PRKG1: variants seen among roughly 807,000 people sequenced by gnomAD.
PRKG1 encodes the protein protein kinase cGMP-dependent 1.
A neutral mutation model predicts 88.1 loss-of-function variants in PRKG1; 35 were observed. The ratio of observed to expected loss-of-function variants is 0.40; its 90% CI spans 0.30 to 0.53. The LOEUF (loss-of-function observed/expected upper bound fraction) is 0.53, where lower values mean the gene tolerates loss of function less well. PRKG1 is among the 20% of genes least tolerant of loss of function. PRKG1 has a pLI of 0.59. For missense variants in PRKG1, 540 were observed against 839.8 expected, an observed-to-expected ratio of 0.64 and a Z score of 4.41; for synonymous variants, 303 against 292.5, an observed-to-expected ratio of 1.04 and a Z score of -0.37.
chr10:51,761,937 G>T (rs1696889948), intron 3 of PRKG1, among the ~76,000 whole-genome samples: 1 of 152,108 alleles, frequency 6.6e-6, no homozygotes, highest in Non-Finnish European at 1.5e-5. Flanking sequence ...ATAAGCAAGA[G>T]AATTTTCACT....
chr10:51,178,705 C>A (rs1837267009), intron 2 of PRKG1, among the ~76,000 whole-genome samples: 1 of 151,994 alleles, frequency 6.6e-6, no homozygotes, highest in South Asian at 2.1e-4. Flanking sequence ...CATGTTTATA[C>A]TGTGGTGGAA....
chr10:51,103,543 T>C (rs1487760725), intron 1 of PRKG1, among the ~76,000 whole-genome samples: 1 of 152,202 alleles, frequency 6.6e-6, no homozygotes, highest in Non-Finnish European at 1.5e-5. Flanking sequence ...TTCTGATAGT[T>C]TAGCTCTCAA....
At chr10:52,045,774 C>T (rs887735649) in intron 5 of PRKG1, among the ~76,000 whole-genome samples, 1 of 152,020 alleles carries the variant, frequency 6.6e-6, no homozygotes, top group Non-Finnish European at 1.5e-5. Flanking sequence ...TTTCTAGGTG[C>T]TCTGAGTCAG....
At chr10:51,531,194 G>A (rs1171732522) in intron 3 of PRKG1, among the ~76,000 whole-genome samples, 1 of 152,082 alleles carries the variant, frequency 6.6e-6, no homozygotes, top group Non-Finnish European at 1.5e-5. Context: ...TCCTATTATA[G>A]CCCTCAATGG....
chr10:52,189,242 T>C (rs1839299788), intron 9 of PRKG1, among the ~76,000 whole-genome samples: 2 of 152,214 alleles, frequency 1.3e-5, no homozygotes, highest in African/African-American at 4.8e-5. Context: ...GTGTTGCTGA[T>C]AAAATTGTGA....
chr10:51,888,690 C>A (rs1739950239), intron 4 of PRKG1, among the ~76,000 whole-genome samples: 1 of 152,180 alleles, frequency 6.6e-6, no homozygotes, highest in South Asian at 2.1e-4. Flanking sequence ...CCCACTGCAG[C>A]TCTAGCTGTG....
intron 3 of PRKG1, among the ~76,000 whole-genome samples, chr10:51,618,063 T>C (rs889671465): frequency 6.6e-6 from 1 of 152,194 alleles, no homozygotes. Context: ...AGAAGGTCTT[T>C]TTCATTGTGT....
At chr10:51,628,820 G>A (rs932436342) in intron 3 of PRKG1, among the ~76,000 whole-genome samples, 3 of 151,736 alleles carry the variant, frequency 2.0e-5, no homozygotes, top group African/African-American at 4.8e-5. Flanking sequence ...TTAGCCGGGC[G>A]CGGTGGCGGG....
At chr10:52,000,266 T>G (rs1202676099) in intron 5 of PRKG1, among the ~76,000 whole-genome samples, 1 of 152,094 alleles carries the variant, frequency 6.6e-6, no homozygotes, top group Non-Finnish European at 1.5e-5. Flanking sequence ...GAAACTGCAT[T>G]ATTGTTTTTC....
intron 3 of PRKG1, among the ~76,000 whole-genome samples, chr10:51,606,189 G>A (rs1187649781): frequency 1.3e-5 from 2 of 152,050 alleles, no homozygotes; most frequent in African/African-American, 4.8e-5. Flanking sequence ...TCTCACATCT[G>A]TTCCTTTCTT....
intron 2 of PRKG1, among the ~76,000 whole-genome samples, chr10:51,461,582 C>T (rs1839746524): frequency 6.6e-6 from 1 of 152,096 alleles, no homozygotes; most frequent in Non-Finnish European, 1.5e-5. Flanking sequence ...GAAGAGTTAA[C>T]ACATCATCTA....
intron 3 of PRKG1, among the ~76,000 whole-genome samples, chr10:51,472,359 T>C (rs1840069333): frequency 6.6e-6 from 1 of 151,960 alleles, no homozygotes; most frequent in South Asian, 2.1e-4. Context: ...AAAACCTAAA[T>C]GATGAATGAG....
intron 5 of PRKG1, among the ~76,000 whole-genome samples, chr10:52,025,016 G>A (rs1015635306): frequency 6.6e-6 from 1 of 152,020 alleles, no homozygotes; most frequent in Non-Finnish European, 1.5e-5. Context: ...TTTAATGATC[G>A]CCATTCTAAC....
chr10:52,062,431 A>G (rs1846258333), intron 6 of PRKG1, 106 bp from the exon 7 acceptor site: 3 of 665,222 alleles, frequency 4.5e-6, no homozygotes. Flanking sequence ...TTTTCTTTAT[A>G]AAAATAAGAA....
At chr10:51,980,944 TGTTATACCTTTTAATTAGGACATTTA>T (rs1291342812) in intron 5 of PRKG1, among the ~76,000 whole-genome samples, 2 of 152,154 alleles carry the variant, frequency 1.3e-5, no homozygotes, top group Non-Finnish European at 2.9e-5. Context: ...CAGCCTGCCA[TGTTATACCTTTTAATTAGGACATTTA>T]GCCTGTTTAC....
chr10:51,341,570 G>A (rs561761102), intron 2 of PRKG1, among the ~76,000 whole-genome samples: 7 of 152,282 alleles, frequency 4.6e-5, no homozygotes, highest in Admixed American at 2.0e-4. Context: ...ACAGTGTAAA[G>A]TGTGTCTCCA....
chr10:51,826,704 G>T (rs1169678547), intron 4 of PRKG1, among the ~76,000 whole-genome samples: 1 of 152,166 alleles, frequency 6.6e-6, no homozygotes, highest in African/African-American at 2.4e-5. Flanking sequence ...GGAACCATGA[G>T]AGCCAGAGTT....
At chr10:51,568,929 A>T (rs1837677978) in intron 3 of PRKG1, 1 of 152,074 alleles carries the variant, frequency 6.6e-6, no homozygotes, top group African/African-American at 2.4e-5. Flanking sequence ...GGCTATGAGG[A>T]TAGGGAGGTA....
intron 13 of PRKG1, 36 bp downstream of exon 13, chr10:52,280,966 A>T (rs769075109): frequency 1.3e-5 from 20 of 1,580,092 alleles, no homozygotes; most frequent in Non-Finnish European, 1.7e-5. Context: ...TGCCCTGCAG[A>T]TTAAAAATAT....
Sources: gnomAD v4.1 joint callset for allele counts (sites outside exome capture counted in the v4.1 genomes callset) on GRCh38, gnomAD v4.1.1 for gene constraint, MANE v1.5 for transcripts, NCBI Gene and HGNC (gene_info 2026-07-23, HGNC 2026-07-21) for gene names.